DACH2: variants seen among roughly 807,000 people sequenced by gnomAD.
The protein encoded by DACH2 is dachshund family transcription factor 2.
Under a neutral mutation model 35.8 loss-of-function variants are expected in DACH2, and 17 were observed. That is an observed-to-expected ratio of 0.48 (90% CI 0.33 to 0.71). The LOEUF (loss-of-function observed/expected upper bound fraction) is 0.71. Ranked by LOEUF, DACH2 falls within the 30% of genes least tolerant of loss-of-function variation. The pLI is 0.02. For missense variants in DACH2, 469 were observed against 472.7 expected (o/e 0.99, Z 0.07); for synonymous variants, 195 against 177.3 (o/e 1.10, Z -0.79).
At chrX:86,251,583 T>A (rs938933879) in intron 1 of DACH2, among the ~76,000 whole-genome samples, 4 of 111,764 alleles carry the variant, frequency 3.6e-5, no homozygotes, top group African/African-American at 1.3e-4. Flanking sequence ...AGTGAGAACA[T>A]ACGATGTTTG....
At chrX:86,483,651 G>T (rs2037977371) in intron 2 of DACH2, among the ~76,000 whole-genome samples, 1 of 110,687 alleles carries the variant, frequency 9.0e-6, no homozygotes, top group Non-Finnish European at 1.9e-5. Context: ...TGGGCAACAC[G>T]ATGAAACCCT....
At chrX:86,603,030 A>G (rs1329899659) in intron 3 of DACH2, among the ~76,000 whole-genome samples, 1 of 111,482 alleles carries the variant, frequency 9.0e-6, no homozygotes, top group African/African-American at 3.3e-5. Context: ...AAACAACAGA[A>G]ATTTATTTTC....
At chrX:86,599,325 C>A (rs1441008891) in intron 3 of DACH2, among the ~76,000 whole-genome samples, 2 of 110,610 alleles carry the variant, frequency 1.8e-5, no homozygotes, top group African/African-American at 6.6e-5. Flanking sequence ...TTTCTTCTTT[C>A]TTTCTCTTTC....
intron 3 of DACH2, among the ~76,000 whole-genome samples, chrX:86,647,839 T>C (rs12557271): frequency 0.12 from 13,706 of 110,126 alleles, 741 homozygotes; most frequent in East Asian, 0.32. Context: ...TGTATCTGAA[T>C]CATACCTCAG....
chrX:86,242,484 GT>G lies in DACH2; in HGVS notation c.488+93380del, dbSNP rs777785920. On this transcript the variant is annotated intron_variant, in intron 1 of 11. Transcript: ENST00000373125. ...ATTTTATCTTGAAGGTAACTGAATTGTTTTGGTTTTACTGGTTCATAGGCAG... is the reference window on the plus strand; with the variant it reads ...ATTTTATCTTGAAGGTAACTGAATTGTTTGGTTTTACTGGTTCATAGGCAG... Among the ~76,000 whole-genome samples the G allele has an allele frequency of 2.6e-4, 29 of 112,217 alleles. No individual in the cohort carries two copies. In the South Asian group the frequency reaches 0.01, roughly 39 times the overall value.
chrX:86,625,209 AGTGTGTGTGTGTGTGTGT>A (rs72281959), intron 3 of DACH2, among the ~76,000 whole-genome samples: 11,834 of 85,351 alleles, frequency 0.14, 728 homozygotes, highest in East Asian at 0.33. Context: ...AAACCTTCTT[AGTGTGTGTGTGTGTGTGT>A]GTGTGTGTGT....
intron 1 of DACH2, among the ~76,000 whole-genome samples, chrX:86,268,609 A>C (rs1018187949): frequency 9.2e-6 from 1 of 108,371 alleles, no homozygotes; most frequent in African/African-American, 3.4e-5. Flanking sequence ...ATCTCAGCTC[A>C]CGGCAATCCC....
chrX:86,495,161 C>T (rs2038149887), intron 2 of DACH2, among the ~76,000 whole-genome samples: 1 of 110,668 alleles, frequency 9.0e-6, no homozygotes, highest in South Asian at 3.8e-4. Context: ...GATTCTCCTG[C>T]CTCAGCCTCC....
At chrX:86,827,516 G>T (rs764278913) in intron 11 of DACH2, among the ~76,000 whole-genome samples, 2 of 111,077 alleles carry the variant, frequency 1.8e-5, no homozygotes, top group Admixed American at 9.7e-5. Context: ...GTAAATCTAC[G>T]CTTTTGCTCA....
chrX:86,619,323 T>G (rs1316046264), intron 3 of DACH2, among the ~76,000 whole-genome samples: 1 of 111,890 alleles, frequency 8.9e-6, no homozygotes, highest in African/African-American at 3.2e-5. Context: ...TGTAATATTT[T>G]ATCTTCTTTA....
At chrX:86,712,179 G>A (rs1338922240) in intron 5 of DACH2, among the ~76,000 whole-genome samples, 1 of 111,277 alleles carries the variant, frequency 9.0e-6, no homozygotes, top group Non-Finnish European at 1.9e-5. Context: ...ACCTACTTAG[G>A]TCATTGATTG....
At chrX:86,654,400 A>G (rs1265160522) in intron 4 of DACH2, among the ~76,000 whole-genome samples, 1 of 109,967 alleles carries the variant, frequency 9.1e-6, no homozygotes, top group Non-Finnish European at 1.9e-5. Flanking sequence ...AAAATTATTG[A>G]ATGAAATCAG....
chrX:86,746,401 T>C (rs773054523), intron 7 of DACH2, among the ~76,000 whole-genome samples: 1 of 111,634 alleles, frequency 9.0e-6, no homozygotes, highest in East Asian at 2.8e-4. Context: ...TTCTCCCTGC[T>C]CTCTCCAACA....
At chrX:86,345,532 A>T (rs1055061582) in intron 1 of DACH2, 1 of 208,975 alleles carries the variant, frequency 4.8e-6, no homozygotes, top group South Asian at 6.4e-5. Flanking sequence ...GAAAGAAAAG[A>T]TCAATGAAGT....
At chrX:86,230,499 G>A (rs541912773) in intron 1 of DACH2, among the ~76,000 whole-genome samples, 4 of 111,251 alleles carry the variant, frequency 3.6e-5, no homozygotes, top group East Asian at 2.8e-4. Flanking sequence ...TGCTGGCTTC[G>A]TAGAATGAAT....
chrX:86,583,375 G>GA (rs766856198), intron 3 of DACH2, among the ~76,000 whole-genome samples: 25 of 108,712 alleles, frequency 2.3e-4, no homozygotes, highest in East Asian at 1.7e-3. Flanking sequence ...CATCAGGCAA[G>GA]AAAAAAAAAT....
In DACH2 at chrX:86,164,954, T is replaced by A. The variant is rs766143865; in HGVS notation, c.488+15846T>A. Among the ~76,000 whole-genome samples, 3 of 111,109 alleles carry A rather than the reference T, an allele frequency of 2.7e-5. No homozygotes were observed. In the Admixed American group the frequency reaches 2.9e-4, roughly 11 times the overall value. On this transcript the variant is annotated intron_variant, in intron 1 of 11. Coordinates refer to ENST00000373125, the MANE Select transcript of DACH2 (RefSeq NM_053281.3). ...TTCTATATAAATTTTAAAATAGTTT[T>A]TTTTTCTAGTTTTGTGAAGAACGTC...
intron 2 of DACH2, among the ~76,000 whole-genome samples, chrX:86,491,216 A>G (rs762931354): frequency 1.8e-5 from 2 of 111,984 alleles, no homozygotes; most frequent in African/African-American, 6.5e-5. Context: ...CCTGCTGTAC[A>G]CAATGCTTTT....
chrX:86,813,538 G>T (rs1242029571), intron 9 of DACH2, among the ~76,000 whole-genome samples: 1 of 107,659 alleles, frequency 9.3e-6, no homozygotes, highest in Non-Finnish European at 1.9e-5. Context: ...CGTGAACCCG[G>T]GAGGCGGAGG....
Sources: allele counts gnomAD v4.1 joint callset (sites outside exome capture counted in the v4.1 genomes callset), GRCh38; gene constraint gnomAD v4.1.1; transcripts MANE v1.5; gene names NCBI Gene and HGNC (gene_info 2026-07-23, HGNC 2026-07-21).